Variants in PTPRJ observed in about 807,000 individuals in gnomAD.
PTPRJ encodes the protein receptor-type tyrosine-protein phosphatase eta.
A neutral mutation model predicts 141.3 loss-of-function variants in PTPRJ; 129 were observed. The observed-to-expected ratio is 0.91, with a 90% confidence interval of 0.79 to 1.06. The LOEUF (loss-of-function observed/expected upper bound fraction) is 1.06, where lower values mean the gene tolerates loss of function less well. PTPRJ is among the 50% of genes least tolerant of loss of function. The pLI, the probability that PTPRJ is intolerant of heterozygous loss-of-function variation, is 0.00. For missense variants in PTPRJ, 1,601 were observed against 1,679.7 expected (o/e 0.95, Z 0.82); for synonymous variants, 610 against 640.5 (o/e 0.95, Z 0.72).
At chr11:48,140,479 T>C (rs996633866) in intron 11 of PTPRJ, among the ~76,000 whole-genome samples, 4 of 152,180 alleles carry the variant, frequency 2.6e-5, no homozygotes, top group Admixed American at 1.3e-4. Context: ...TGAGCTAGCA[T>C]GCTGCTGCCA....
chr11:48,155,875 G>A lies in PTPRJ; in HGVS notation c.3303+1G>A. The A allele has an allele frequency of 1.9e-6, 3 of 1,600,454 alleles. No homozygotes were observed. The highest frequency in any genetic ancestry group is 2.6e-6 in the Non-Finnish European group (3 of 1,167,724). On this transcript the variant is annotated splice_donor_variant, in intron 20 of 24. Transcript: ENST00000418331. LOFTEE classifies it high-confidence loss of function. ...CTACATCAATGCCAACTACATGCCTGTAAGTTGGGGGACGGTCTCACAGCA... is the reference window on the plus strand; with the variant it reads ...CTACATCAATGCCAACTACATGCCTATAAGTTGGGGGACGGTCTCACAGCA...
At chr11:48,047,938 T>C (rs1460757905) in intron 1 of PTPRJ, among the ~76,000 whole-genome samples, 1 of 152,172 alleles carries the variant, frequency 6.6e-6, no homozygotes, top group African/African-American at 2.4e-5. Flanking sequence ...TTGTGGGGGC[T>C]GTGTACTTCC....
At chr11:48,130,176 C>T (rs967099964) in intron 7 of PTPRJ, among the ~76,000 whole-genome samples, 1 of 151,208 alleles carries the variant, frequency 6.6e-6, no homozygotes, top group Non-Finnish European at 1.5e-5. Context: ...TCCTCCAGAG[C>T]CTGAGCCCTT....
chr11:48,051,019 T>C (rs748412002), intron 1 of PTPRJ, among the ~76,000 whole-genome samples: 11 of 151,338 alleles, frequency 7.3e-5, no homozygotes, highest in Non-Finnish European at 1.5e-4. Flanking sequence ...GTCTGGTGAA[T>C]ATTTCTGTCT....
In PTPRJ at chr11:48,164,473, G is replaced by C. The variant is rs762445023; in HGVS notation, c.3813G>C (p.Val1271=). ...NENTVDVYGI[V]YDLRMHRPLM... ...ACACCGTGGATGTGTATGGGATTGTGTATGACCTTCGAATGCATAGGCCTT... is the reference window on the plus strand; with the variant it reads ...ACACCGTGGATGTGTATGGGATTGTCTATGACCTTCGAATGCATAGGCCTT... The change falls in exon 24 of 25, where the codon GTG becomes GTC. Residue 1271 remains valine, a synonymous_variant. Coordinates refer to ENST00000418331, the MANE Select transcript of PTPRJ (RefSeq NM_002843.4). 3.7e-6 allele frequency: 6 copies of C among 1,606,162 alleles called. No individual in the cohort carries two copies. In the Admixed American group the frequency reaches 1.0e-4, roughly 27 times the overall value.
At chr11:48,009,643 G>C (rs139001825) in intron 1 of PTPRJ, among the ~76,000 whole-genome samples, 58 of 152,314 alleles carry the variant, frequency 3.8e-4, no homozygotes, top group African/African-American at 1.3e-3. Context: ...TTGAAGCCGT[G>C]CTTTATATGG....
chr11:48,103,412 T>C (rs1390421474), intron 1 of PTPRJ, among the ~76,000 whole-genome samples: 1 of 152,192 alleles, frequency 6.6e-6, no homozygotes, highest in East Asian at 1.9e-4. Context: ...TGAGCTATGA[T>C]TGTGCCATTG....
At chr11:48,117,985 A>T (rs1334507507) in intron 3 of PTPRJ, among the ~76,000 whole-genome samples, 1 of 152,244 alleles carries the variant, frequency 6.6e-6, no homozygotes, top group Non-Finnish European at 1.5e-5. Flanking sequence ...GCCATATACC[A>T]TTTACTATGA....
At chr11:48,081,376 C>G (rs570988105) in intron 1 of PTPRJ, among the ~76,000 whole-genome samples, 13 of 152,286 alleles carry the variant, frequency 8.5e-5, no homozygotes, top group Admixed American at 8.5e-4. Flanking sequence ...AAGGGAACTT[C>G]CACTTCTTTT....
chr11:48,127,737 T>A, intron 6 of PTPRJ, 43 bp from the exon 7 acceptor site: 6 of 1,598,386 alleles, frequency 3.8e-6, no homozygotes, highest in Non-Finnish European at 5.1e-6. Context: ...TCCCTCTGCC[T>A]TGGCCGTTCT....
In PTPRJ at chr11:48,158,310, C is replaced by T. The variant is rs1192158679; in HGVS notation, c.3439-1620C>T. On this transcript the variant is annotated intron_variant, in intron 21 of 24. Transcript: ENST00000418331. This position sits in a 1 kb window ranked among gnomAD's most constrained non-coding sequence, Gnocchi z 4.4. ...GAACATGAAGATGAATTTAAATGGT[C>T]TTTTGTTCATCTAAAATCAAGATTG... is the stretch of plus-strand genomic sequence containing the variant. Among the ~76,000 whole-genome samples the T allele has an allele frequency of 3.3e-5, 5 of 152,162 alleles. No homozygotes were observed. The East Asian group carries it at 7.7e-4, about 23-fold the overall frequency.
intron 1 of PTPRJ, among the ~76,000 whole-genome samples, chr11:48,035,823 G>A (rs1409410078): frequency 6.6e-6 from 1 of 152,060 alleles, no homozygotes; most frequent in African/African-American, 2.4e-5. Flanking sequence ...TAAGTTGTAG[G>A]GAGAGTAAGC....
intron 1 of PTPRJ, among the ~76,000 whole-genome samples, chr11:48,071,628 A>C (rs1434285908): frequency 7.4e-5 from 1 of 13,576 alleles, no homozygotes; most frequent in Non-Finnish European, 2.5e-4. Context: ...TTTTTTTTTG[A>C]GATGGAGTCT....
intron 1 of PTPRJ, among the ~76,000 whole-genome samples, chr11:48,072,315 C>A (rs117299467): frequency 0.03 from 4,593 of 152,236 alleles, 104 homozygotes; most frequent in Non-Finnish European, 0.046. Context: ...CTGTGCTATC[C>A]CATGGCAGAA....
At chr11:48,040,908 C>A (rs759414078) in intron 1 of PTPRJ, among the ~76,000 whole-genome samples, 14 of 152,184 alleles carry the variant, frequency 9.2e-5, no homozygotes, top group Non-Finnish European at 1.8e-4. Context: ...CTCTTACATT[C>A]TTTTCTTCTG....
chr11:48,100,378 T>G (rs1358497232), intron 1 of PTPRJ, among the ~76,000 whole-genome samples: 1 of 152,162 alleles, frequency 6.6e-6, no homozygotes, highest in African/African-American at 2.4e-5. Flanking sequence ...GCTGTGCTAG[T>G]GGTAGTGATG....
Position 48,130,704 on chromosome 11 carries a change from TG to T in PTPRJ, c.1604del (p.Cys535SerfsTer39), listed in dbSNP as rs1856956268. ...GACTGAAGGGGCATCTCGGACAGTT[TG>T]CAATAGAACTGGTAAGCAAATAGGC... ...NGTEGASRTV[C>X]NRTVPSAVFD... is the part of the protein sequence containing the mutation. On this transcript the variant is annotated frameshift_variant, in exon 8 of 25. Coordinates refer to ENST00000418331, the MANE Select transcript of PTPRJ (RefSeq NM_002843.4). LOFTEE classifies it high-confidence loss of function. The T allele has an allele frequency of 6.2e-7, 1 of 1,610,728 alleles. No individual in the cohort carries two copies. Among genetic ancestry groups the T allele is most frequent in the African/African-American group, 1.3e-5 (1 of 74,848 alleles).
intron 15 of PTPRJ, among the ~76,000 whole-genome samples, chr11:48,148,167 G>T (rs1857397105): frequency 6.6e-6 from 1 of 152,112 alleles, no homozygotes; most frequent in East Asian, 1.9e-4. Context: ...GATTTTGGGG[G>T]GGGAAATGGA....
At chr11:48,012,173 T>G (rs1168768372) in intron 1 of PTPRJ, among the ~76,000 whole-genome samples, 1 of 152,138 alleles carries the variant, frequency 6.6e-6, no homozygotes, top group Non-Finnish European at 1.5e-5. Flanking sequence ...TGCTAGTCAC[T>G]GTCCCAGTTT....
Sources: allele counts gnomAD v4.1 joint callset (sites outside exome capture counted in the v4.1 genomes callset), GRCh38; gene constraint gnomAD v4.1.1; non-coding constraint Gnocchi (gnomAD v3.1); transcripts MANE v1.5; gene names NCBI Gene and HGNC (gene_info 2026-07-23, HGNC 2026-07-21).